PTPRM: variants seen among roughly 807,000 people sequenced by gnomAD.
PTPRM encodes the protein receptor-type tyrosine-protein phosphatase mu.
A neutral mutation model predicts 186.7 loss-of-function variants in PTPRM; 47 were observed. The observed-to-expected ratio is 0.25, with a 90% CI of 0.20 to 0.32. The LOEUF is 0.32. Ranked by LOEUF, PTPRM falls within the 10% of genes least tolerant of loss-of-function variation. The pLI, the probability that PTPRM is intolerant of heterozygous loss-of-function variation, is 1.00. For missense variants in PTPRM, 1,494 were observed against 1,865.0 expected, an observed-to-expected ratio of 0.80 and a Z score of 3.66; for synonymous variants, 668 against 674.9, an observed-to-expected ratio of 0.99 and a Z score of 0.16.
chr18:7,862,500 G>A (rs909347117), intron 2 of PTPRM, among the ~76,000 whole-genome samples: 7 of 152,156 alleles, frequency 4.6e-5, no homozygotes, highest in Non-Finnish European at 8.8e-5. Flanking sequence ...TATCATTGAC[G>A]TTTCTGGACC....
chr18:8,017,136 A>G (rs534903870), intron 7 of PTPRM, among the ~76,000 whole-genome samples: 1 of 152,304 alleles, frequency 6.6e-6, no homozygotes, highest in East Asian at 1.9e-4. Flanking sequence ...AAGGGATCAA[A>G]TATGTTATAA....
intron 14 of PTPRM, among the ~76,000 whole-genome samples, chr18:8,211,377 CTTTTTTTTTT>C (rs970926126): frequency 5.7e-5 from 5 of 87,232 alleles, no homozygotes; most frequent in Admixed American, 2.6e-4. Flanking sequence ...GTCTCTTCTT[CTTTTTTTTTT>C]TTTTTTTTTT....
At chr18:7,693,803 G>A (rs574663971) in intron 1 of PTPRM, among the ~76,000 whole-genome samples, 1 of 152,300 alleles carries the variant, frequency 6.6e-6, no homozygotes, top group Admixed American at 6.5e-5. Flanking sequence ...GGCTTGGGAA[G>A]GCCAGGAAGT....
At chr18:7,825,978 T>C (rs767496853) in intron 2 of PTPRM, among the ~76,000 whole-genome samples, 23 of 152,222 alleles carry the variant, frequency 1.5e-4, no homozygotes, top group Non-Finnish European at 2.4e-4. Flanking sequence ...TAAGGATAGA[T>C]AGGATTGCCA....
At chr18:7,940,604 T>C (rs1019579702) in intron 5 of PTPRM, among the ~76,000 whole-genome samples, 4 of 150,982 alleles carry the variant, frequency 2.6e-5, no homozygotes, top group African/African-American at 9.7e-5. Flanking sequence ...ATGGTGGGGC[T>C]GAGTCAGCCG....
chr18:7,567,485 T>TCCCGGGC lies in PTPRM; in HGVS notation c.-333_-327dup. On this transcript the variant is annotated 5_prime_UTR_variant, in exon 1 of 33. Coordinates refer to ENST00000580170, the MANE Select transcript of PTPRM (RefSeq NM_001105244.2). The surrounding 1 kb of genome is among the most constrained non-coding windows in gnomAD (Gnocchi z 4.3). Reference sequence around the variant, plus strand: ...CACGGCCGGCAGCTCGGGTCCCGGGTCCCGGGCAGGGGAAGGGGAGAGGCG... The same window carrying TCCCGGGC: ...CACGGCCGGCAGCTCGGGTCCCGGGTCCCGGGCCCCGGGCAGGGGAAGGGGAGAGGCG... 4.8e-6 allele frequency: 1 copy of TCCCGGGC among 206,826 alleles called. No individual in the cohort carries two copies. Among genetic ancestry groups the TCCCGGGC allele is most frequent in the Non-Finnish European group, 9.5e-6 (1 of 105,540 alleles). 12.8% of individuals were successfully genotyped at this position (206,826 alleles called of 1,614,324 possible).
At chr18:7,949,786 T>C (rs564390248) in intron 6 of PTPRM, among the ~76,000 whole-genome samples, 241 of 152,280 alleles carry the variant, frequency 1.6e-3, no homozygotes, top group African/African-American at 5.4e-3. Context: ...ACAAGCCATA[T>C]TGATAATTCT....
chr18:7,717,893 A>AGTGCTTG (rs2040371370), intron 1 of PTPRM, among the ~76,000 whole-genome samples: 1 of 152,160 alleles, frequency 6.6e-6, no homozygotes, highest in Admixed American at 6.5e-5. Flanking sequence ...AGCCCTTTCC[A>AGTGCTTG]GTGCTTGTTG....
Position 8,099,139 on chromosome 18 carries a change from T to TTC in PTPRM, c.1856+10306_1856+10307dup, listed in dbSNP as rs138039597. On this transcript the variant is annotated intron_variant, in intron 11 of 32. Coordinates refer to ENST00000580170, the MANE Select transcript of PTPRM (RefSeq NM_001105244.2). ...CACACACAGTCTCTCCACAGTCTCT[T>TTC]TCTCTCTCTCTCTCTCTCTTTCTCT... 4.8e-3 allele frequency among the ~76,000 whole-genome samples: 725 copies of TTC among 149,606 alleles called. 4 individuals are homozygous for TTC. Among genetic ancestry groups the TTC allele is most frequent in the South Asian group, 0.014 (65 of 4,710 alleles).
At chr18:7,808,173 C>G (rs1330833744) in intron 2 of PTPRM, among the ~76,000 whole-genome samples, 1 of 152,224 alleles carries the variant, frequency 6.6e-6, no homozygotes, top group Non-Finnish European at 1.5e-5. Flanking sequence ...TTCATCAAAT[C>G]TGTGAACTAG....
At chr18:8,270,378 A>C (rs1283009931) in intron 19 of PTPRM, 3 of 152,108 alleles carry the variant, frequency 2.0e-5, no homozygotes, top group African/African-American at 7.2e-5. Flanking sequence ...ACAATGAGAT[A>C]TCACCTCACA....
chr18:8,198,005 C>G (rs7232511), intron 14 of PTPRM, among the ~76,000 whole-genome samples: 2,930 of 152,184 alleles, frequency 0.019, 107 homozygotes, highest in African/African-American at 0.067. Flanking sequence ...AAACAGCCAC[C>G]CTTGCTCTCT....
chr18:7,862,781 G>A (rs1201167772), intron 2 of PTPRM, among the ~76,000 whole-genome samples: 1 of 152,046 alleles, frequency 6.6e-6, no homozygotes, highest in Non-Finnish European at 1.5e-5. Flanking sequence ...ATCTAAAGAG[G>A]ACATGATTCT....
chr18:7,937,889 C>T (rs1184136784), intron 5 of PTPRM, among the ~76,000 whole-genome samples: 2 of 152,166 alleles, frequency 1.3e-5, no homozygotes, highest in Non-Finnish European at 2.9e-5. Flanking sequence ...CCCCAGCCTT[C>T]CAGTGGGGCT....
At chr18:7,895,878 T>C (rs2049327748) in intron 3 of PTPRM, among the ~76,000 whole-genome samples, 1 of 152,198 alleles carries the variant, frequency 6.6e-6, no homozygotes, top group South Asian at 2.1e-4. Flanking sequence ...TTGTTAGACA[T>C]TTATAGAATT....
chr18:7,627,309 A>T (rs574949910), intron 1 of PTPRM, among the ~76,000 whole-genome samples: 1 of 152,246 alleles, frequency 6.6e-6, no homozygotes, highest in South Asian at 2.1e-4. Context: ...GCAGGGTTAT[A>T]GCTGTCTCCC....
intron 7 of PTPRM, among the ~76,000 whole-genome samples, chr18:8,067,313 T>A (rs1251812202): frequency 6.6e-6 from 1 of 152,208 alleles, no homozygotes; most frequent in African/African-American, 2.4e-5. Context: ...TTATATAAAA[T>A]TAGACATTTC....
chr18:7,904,540 T>G (rs1473665643), intron 3 of PTPRM, among the ~76,000 whole-genome samples: 1 of 152,118 alleles, frequency 6.6e-6, no homozygotes, highest in Non-Finnish European at 1.5e-5. Flanking sequence ...GGGAGTGGTG[T>G]TTTTCACTCA....
At chr18:8,327,199 C>A (rs1489954732) in intron 22 of PTPRM, among the ~76,000 whole-genome samples, 1 of 152,224 alleles carries the variant, frequency 6.6e-6, no homozygotes, top group Non-Finnish European at 1.5e-5. Context: ...GACCTTATCA[C>A]CGCCATCACT....
Sources: gnomAD v4.1 joint callset for allele counts (sites outside exome capture counted in the v4.1 genomes callset) on GRCh38, gnomAD v4.1.1 for gene constraint, Gnocchi (gnomAD v3.1) non-coding constraint, MANE v1.5 for transcripts, NCBI Gene and HGNC (gene_info 2026-07-23, HGNC 2026-07-21) for gene names.